Variants in SKAP2 observed in about 807,000 individuals in gnomAD.
SKAP2 encodes the protein src kinase-associated phosphoprotein 2.
A neutral mutation model predicts 54.9 loss-of-function variants in SKAP2; 28 were observed. That is an observed-to-expected ratio of 0.51 (90% CI 0.38 to 0.70). The LOEUF (loss-of-function observed/expected upper bound fraction) is 0.70, where lower values mean the gene tolerates loss of function less well. Among genes scored for constraint, SKAP2 ranks in the 30% least tolerant of loss-of-function variants. SKAP2 has a pLI of 0.00. For synonymous variants in SKAP2, 137 were observed against 134.3 expected (o/e 1.02, Z -0.14); for missense variants, 356 against 424.1 (o/e 0.84, Z 1.41).
chr7:26,692,691 CCTGT>C (rs1363243502), intron 9 of SKAP2, among the ~76,000 whole-genome samples: 4 of 152,098 alleles, frequency 2.6e-5, no homozygotes, highest in Non-Finnish European at 5.9e-5. Context: ...TAAAAAGTAT[CCTGT>C]CTCTTTTCTT....
At chr7:26,661,325 T>C in the SKAP2 span, among the ~76,000 whole-genome samples, 1 of 152,138 alleles carries the variant, frequency 6.6e-6, no homozygotes, top group Non-Finnish European at 1.5e-5. Context: ...CTCCTAGATA[T>C]GCATCTGATG....
chr7:26,742,639 AT>A (rs200375831), intron 4 of SKAP2, among the ~76,000 whole-genome samples: 10 of 151,912 alleles, frequency 6.6e-5, no homozygotes, highest in East Asian at 3.9e-4. Flanking sequence ...GGGGGAGTAC[AT>A]TTTTTTTAAC....
chr7:26,657,727 A>G, the SKAP2 span, among the ~76,000 whole-genome samples: 4 of 145,888 alleles, frequency 2.7e-5, no homozygotes, highest in Admixed American at 1.3e-4. Context: ...AAGAAAAAAA[A>G]AATCCCCGCC....
At chr7:26,735,345 G>A (rs1379998513) in intron 6 of SKAP2, among the ~76,000 whole-genome samples, 2 of 152,254 alleles carry the variant, frequency 1.3e-5, no homozygotes, top group Non-Finnish European at 2.9e-5. Flanking sequence ...GGATATGAAA[G>A]GATGAATAAG....
chr7:26,863,463 T>TATC (rs1202836124), intron 1 of SKAP2, among the ~76,000 whole-genome samples: 1 of 152,152 alleles, frequency 6.6e-6, no homozygotes, highest in Non-Finnish European at 1.5e-5. Flanking sequence ...TTCCAGAACA[T>TATC]TGAGATAGGT....
chr7:26,700,999 C>T (rs1229589188), intron 9 of SKAP2, among the ~76,000 whole-genome samples: 1 of 152,168 alleles, frequency 6.6e-6, no homozygotes. Context: ...AAGCAGCTGG[C>T]CTCTCTCCCC....
intron 1 of SKAP2, among the ~76,000 whole-genome samples, chr7:26,863,065 C>T (rs1785301195): frequency 6.6e-6 from 1 of 152,042 alleles, no homozygotes; most frequent in Admixed American, 6.5e-5. Context: ...TTAGTGGTAC[C>T]CGTTAATGAC....
At chr7:26,827,450 G>A (rs1395733207) in intron 4 of SKAP2, among the ~76,000 whole-genome samples, 1 of 152,176 alleles carries the variant, frequency 6.6e-6, no homozygotes, top group Non-Finnish European at 1.5e-5. Flanking sequence ...TATATTTGAT[G>A]AGAAATGTGG....
At chr7:26,719,521 A>G (rs1787532580) in intron 9 of SKAP2, among the ~76,000 whole-genome samples, 1 of 152,168 alleles carries the variant, frequency 6.6e-6, no homozygotes. Context: ...GTCCAATCCC[A>G]CACCCACCGG....
chr7:26,720,081 CACACACACACACAT>C (rs1381439502), intron 9 of SKAP2, among the ~76,000 whole-genome samples: 1 of 151,670 alleles, frequency 6.6e-6, no homozygotes, highest in African/African-American at 2.4e-5. Flanking sequence ...CACACACACA[CACACACACACACAT>C]CCCAGTTATG....
intron 4 of SKAP2, among the ~76,000 whole-genome samples, chr7:26,809,572 A>G (rs894074352): frequency 7.9e-5 from 12 of 152,240 alleles, no homozygotes; most frequent in African/African-American, 2.9e-4. Flanking sequence ...CACACCTGTC[A>G]GAACAGCTAT....
intron 4 of SKAP2, among the ~76,000 whole-genome samples, chr7:26,837,759 A>G (rs1463479705): frequency 2.0e-5 from 3 of 146,754 alleles, no homozygotes; most frequent in Admixed American, 1.4e-4. Flanking sequence ...TCTACTGACC[A>G]TACTTTGAGT....
At chr7:26,743,629 G>A (rs764376331) in intron 4 of SKAP2, among the ~76,000 whole-genome samples, 2 of 152,132 alleles carry the variant, frequency 1.3e-5, no homozygotes, top group Non-Finnish European at 2.9e-5. Flanking sequence ...TATATACTGA[G>A]AAAGACTAGT....
At chr7:26,734,709 T>C (rs1424632328) in intron 6 of SKAP2, among the ~76,000 whole-genome samples, 1 of 152,090 alleles carries the variant, frequency 6.6e-6, no homozygotes. Context: ...CCCAGAAGAG[T>C]TGAATGCTGT....
intron 4 of SKAP2, among the ~76,000 whole-genome samples, chr7:26,800,480 G>C (rs1240938510): frequency 6.6e-6 from 1 of 151,662 alleles, no homozygotes; most frequent in Non-Finnish European, 1.5e-5. Flanking sequence ...CCCAAAATTA[G>C]TAGAAGAAAA....
intron 4 of SKAP2, among the ~76,000 whole-genome samples, chr7:26,801,986 C>A (rs1293235340): frequency 3.3e-5 from 5 of 151,450 alleles, no homozygotes; most frequent in Non-Finnish European, 5.9e-5. Flanking sequence ...CATTCTTCCC[C>A]AAAACAGAAA....
At chr7:26,810,732 A>T (rs1784125058) in intron 4 of SKAP2, among the ~76,000 whole-genome samples, 1 of 152,134 alleles carries the variant, frequency 6.6e-6, no homozygotes, top group African/African-American at 2.4e-5. Context: ...ACCAGGCTGG[A>T]GTCCAGTGGT....
downstream of SKAP2, among the ~76,000 whole-genome samples, chr7:26,664,987 A>G (rs1786080622): frequency 6.6e-6 from 1 of 152,188 alleles, no homozygotes; most frequent in East Asian, 1.9e-4. Flanking sequence ...TCAAGTTAAC[A>G]TAATCATACA....
At chr7:26,743,103 C>A (rs981776816) in intron 4 of SKAP2, among the ~76,000 whole-genome samples, 1 of 152,092 alleles carries the variant, frequency 6.6e-6, no homozygotes, top group East Asian at 1.9e-4. Flanking sequence ...TGCCATACAC[C>A]GCAATTACGT....
Sources: allele counts gnomAD v4.1 joint callset (sites outside exome capture counted in the v4.1 genomes callset), GRCh38; gene constraint gnomAD v4.1.1; transcripts MANE v1.5; gene names NCBI Gene and HGNC (gene_info 2026-07-23, HGNC 2026-07-21).